The following MYZAP variants were observed in gnomAD, a reference collection of about 807,000 sequenced individuals.
MYZAP encodes the protein myocardial zonula adherens protein, also known as GRINL1A complex locus upstream.
In MYZAP, 66 loss-of-function variants were observed where a neutral mutation model predicts 69.4. That is an observed-to-expected ratio of 0.95 (90% CI 0.78 to 1.17). The LOEUF (loss-of-function observed/expected upper bound fraction) is 1.17. Among genes scored for constraint, MYZAP ranks in the 50% most tolerant of loss-of-function variants. The probability of loss-of-function intolerance (pLI) is 0.00; values close to 1 mark genes in which losing one functional copy is unlikely to be tolerated. For missense variants in MYZAP, 611 were observed against 556.2 expected, an observed-to-expected ratio of 1.10 and a Z score of -0.99; for synonymous variants, 256 against 205.9, an observed-to-expected ratio of 1.24 and a Z score of -2.09.
At chr15:57,673,324 A>G (rs1355209982) in intron 11 of MYZAP, among the ~76,000 whole-genome samples, 3 of 152,178 alleles carry the variant, frequency 2.0e-5, no homozygotes, top group African/African-American at 7.2e-5. Flanking sequence ...AGGCGATGGT[A>G]TTACTGGAGT....
intron 4 of MYZAP, 36 bp from the exon 5 acceptor site, chr15:57,625,743 A>T (rs768222403): frequency 4.4e-6 from 7 of 1,600,670 alleles, no homozygotes; most frequent in African/African-American, 1.3e-5. Context: ...ACGTGTAGGG[A>T]TTGATTTTGT....
chr15:57,637,914 G>A (rs1206109170), intron 9 of MYZAP, 140 bp downstream of exon 9: 1 of 884,752 alleles, frequency 1.1e-6, no homozygotes, highest in African/African-American at 1.7e-5. Flanking sequence ...ATTGGGCTGA[G>A]AGTTTCCAAT....
At chr15:57,647,548 C>A in intron 10 of MYZAP, 6 of 985,432 alleles carry the variant, frequency 6.1e-6, no homozygotes, top group Non-Finnish European at 7.2e-6. Context: ...AAACAGGTCA[C>A]CCATGTAAGT....
chr15:57,599,857 C>A (rs1410032706), intron 1 of MYZAP, among the ~76,000 whole-genome samples: 2 of 152,142 alleles, frequency 1.3e-5, no homozygotes, highest in African/African-American at 2.4e-5. Context: ...ATTCAGAGTA[C>A]CTTTTAGACC....
At chr15:57,642,889 G>C (rs1042418605) in intron 10 of MYZAP, among the ~76,000 whole-genome samples, 1 of 152,170 alleles carries the variant, frequency 6.6e-6, no homozygotes, top group Non-Finnish European at 1.5e-5. Flanking sequence ...GGCTCATGGT[G>C]GGGGTGAGCC....
chr15:57,665,929 ACT>A (rs1227373551), intron 11 of MYZAP, among the ~76,000 whole-genome samples: 1 of 152,172 alleles, frequency 6.6e-6, no homozygotes, highest in African/African-American at 2.4e-5. Context: ...AAGCAGAGTA[ACT>A]CTGGGCAGGT....
chr15:57,593,118 G>A (rs2033792246), intron 1 of MYZAP, among the ~76,000 whole-genome samples: 1 of 150,318 alleles, frequency 6.7e-6, no homozygotes, highest in African/African-American at 2.5e-5. Context: ...TCTTGGGCAT[G>A]GGCCAACTGA....
At chr15:57,680,997 G>A (rs1052340417) in intron 12 of MYZAP, among the ~76,000 whole-genome samples, 1 of 152,176 alleles carries the variant, frequency 6.6e-6, no homozygotes, top group Non-Finnish European at 1.5e-5. Context: ...GGTTATTTGT[G>A]TTCTTGAAAT....
At position 57,591,950 on chromosome 15, in the gene MYZAP, C is replaced by A; in HGVS notation, c.-85C>A. ...GCAAGTAGCCGGCGCCGTCCCGCGT[C>A]GCCCCCGCGCAGGGCGGGCCCCGCA... is the stretch of plus-strand genomic sequence containing the variant. On this transcript the variant is annotated 5_prime_UTR_variant, in exon 1 of 13. Transcript: ENST00000267853. The A allele has an allele frequency of 8.3e-7, 1 of 1,202,940 alleles. No homozygotes were observed. The allele number at this position is 1,202,940 out of a possible 1,614,324, so 74.5% of individuals were successfully genotyped here. A position where few individuals can be genotyped will look rare whatever the true frequency, so the allele number is the denominator to read the frequency against.
At chr15:57,630,483 G>A (rs1457587127) in intron 6 of MYZAP, among the ~76,000 whole-genome samples, 4 of 152,280 alleles carry the variant, frequency 2.6e-5, no homozygotes, top group South Asian at 2.1e-4. Context: ...TGTTTGGCTT[G>A]ACAATAAAGA....
At chr15:57,625,070 T>TTC (rs550738932) in intron 4 of MYZAP, among the ~76,000 whole-genome samples, 2 of 151,302 alleles carry the variant, frequency 1.3e-5, no homozygotes, top group African/African-American at 4.9e-5. Flanking sequence ...TTTTTTTTTT[T>TTC]AAATGAGACG....
At chr15:57,606,947 T>C (rs1381712721) in intron 2 of MYZAP, among the ~76,000 whole-genome samples, 1 of 152,166 alleles carries the variant, frequency 6.6e-6, no homozygotes, top group African/African-American at 2.4e-5. Context: ...TGGTCAGGCT[T>C]CAGCTGCTAC....
intron 9 of MYZAP, 129 bp from the exon 10 acceptor site, chr15:57,639,311 T>G: frequency 2.1e-6 from 2 of 956,954 alleles, no homozygotes; most frequent in Non-Finnish European, 3.1e-6. Flanking sequence ...CCTCTTGAAG[T>G]GTTGGGATTA....
intron 2 of MYZAP, among the ~76,000 whole-genome samples, chr15:57,615,702 T>G (rs2035391984): frequency 1.3e-5 from 2 of 152,174 alleles, no homozygotes; most frequent in African/African-American, 2.4e-5. Flanking sequence ...AAATTGGGGA[T>G]AAGTTAATGC....
At position 57,606,694 on chromosome 15, in the gene MYZAP, A is replaced by G. The variant is rs555140445; in HGVS notation, c.162+2339A>G. On this transcript the variant is annotated intron_variant, in intron 2 of 12. Coordinates refer to ENST00000267853, the MANE Select transcript of MYZAP (RefSeq NM_001018100.5). ...GTATACATATGTAACTAACCTGCAC[A>G]TTGTGCACATGTACCCTAAAACTTA... 3.3e-5 allele frequency among the ~76,000 whole-genome samples: 5 copies of G among 151,844 alleles called. No individual in the cohort carries two copies. The South Asian group carries it at 1.0e-3, about 32-fold the overall frequency.
At chr15:57,662,542 G>C (rs2038363029) in intron 11 of MYZAP, among the ~76,000 whole-genome samples, 1 of 152,166 alleles carries the variant, frequency 6.6e-6, no homozygotes, top group South Asian at 2.1e-4. Flanking sequence ...TCATTATAAA[G>C]GAGGGATCAT....
chr15:57,679,753 A>G (rs1283810201), intron 12 of MYZAP, among the ~76,000 whole-genome samples: 1 of 152,106 alleles, frequency 6.6e-6, no homozygotes, highest in East Asian at 1.9e-4. Context: ...ATCAAGTCTC[A>G]CAGCTTCACC....
chr15:57,609,831 A>G (rs528845504), intron 2 of MYZAP, among the ~76,000 whole-genome samples: 1 of 152,348 alleles, frequency 6.6e-6, no homozygotes, highest in East Asian at 1.9e-4. Context: ...TTCAAATTAA[A>G]ATTGGTAATA....
chr15:57,592,861 G>A (rs1831028977), intron 1 of MYZAP, among the ~76,000 whole-genome samples: 1 of 152,106 alleles, frequency 6.6e-6, no homozygotes, highest in Non-Finnish European at 1.5e-5. Flanking sequence ...TTGGCTTGTG[G>A]CTTTTTAGTT....
Sources: gnomAD v4.1 joint callset for allele counts (sites outside exome capture counted in the v4.1 genomes callset) on GRCh38, gnomAD v4.1.1 for gene constraint, MANE v1.5 for transcripts, NCBI Gene and HGNC (gene_info 2026-07-23, HGNC 2026-07-21) for gene names.